The following MDGA2 variants were observed in gnomAD, a reference collection of about 807,000 sequenced individuals.
MDGA2 encodes MAM domain containing glycosylphosphatidylinositol anchor 2.
In MDGA2, 40 loss-of-function variants were observed where a neutral mutation model predicts 117.8. That is an observed-to-expected ratio of 0.34 (90% CI 0.26 to 0.44). MDGA2 has a LOEUF of 0.44. Among genes scored for constraint, MDGA2 ranks in the 20% least tolerant of loss-of-function variants. MDGA2 has a pLI of 1.00. For missense variants in MDGA2, 1,123 were observed against 1,250.6 expected (o/e 0.90, Z 1.54); for synonymous variants, 452 against 439.0 (o/e 1.03, Z -0.37).
intron 1 of MDGA2, among the ~76,000 whole-genome samples, chr14:47,563,869 A>G (rs1031521353): frequency 1.3e-5 from 2 of 151,838 alleles, no homozygotes; most frequent in African/African-American, 4.8e-5. Flanking sequence ...TATGTACTGT[A>G]TGTGTTTTTG....
intron 1 of MDGA2, among the ~76,000 whole-genome samples, chr14:47,519,780 G>A (rs1313238501): frequency 6.6e-6 from 1 of 152,132 alleles, no homozygotes; most frequent in African/African-American, 2.4e-5. Flanking sequence ...TATAATTTGT[G>A]AGATAATGAT....
chr14:47,006,562 A>G (rs1011553471), intron 8 of MDGA2, among the ~76,000 whole-genome samples: 11 of 151,132 alleles, frequency 7.3e-5, no homozygotes, highest in Non-Finnish European at 4.4e-5. Context: ...ATCATATCAG[A>G]TAACTTAAAT....
At chr14:47,223,024 C>T (rs1001999356) in intron 2 of MDGA2, among the ~76,000 whole-genome samples, 1 of 152,096 alleles carries the variant, frequency 6.6e-6, no homozygotes, top group African/African-American at 2.4e-5. Flanking sequence ...AGAATCATGG[C>T]AGGAGGTAAA....
chr14:47,634,751 T>C (rs1897296445), intron 1 of MDGA2, among the ~76,000 whole-genome samples: 3 of 152,082 alleles, frequency 2.0e-5, no homozygotes. Flanking sequence ...AGGCAAAGAA[T>C]ACTTTTGTTT....
rs1281527917 is a variant in MDGA2, at chr14:46,952,766, T to G, written c.2089+4608A>C. Among the ~76,000 whole-genome samples the G allele has an allele frequency of 2.0e-5, 3 of 151,948 alleles. 1 individual carries two copies. In the South Asian group the frequency reaches 6.2e-4, roughly 31 times the overall value. On this transcript the variant is annotated intron_variant, in intron 9 of 16. Coordinates refer to ENST00000399232, the MANE Select transcript of MDGA2 (RefSeq NM_001113498.3). ...AAGGCAGAGTCCCACAAATGTGTGA[T>G]GATTTGGGGGAAGGCAGCATAGTCA...
intron 1 of MDGA2, among the ~76,000 whole-genome samples, chr14:47,350,590 C>T (rs542834335): frequency 5.1e-4 from 78 of 152,200 alleles, no homozygotes; most frequent in Middle Eastern, 3.4e-3. Context: ...TGTGTGTGCG[C>T]GCACACGTGG....
intron 3 of MDGA2, among the ~76,000 whole-genome samples, chr14:47,178,464 C>T (rs113339103): frequency 0.013 from 1,990 of 152,166 alleles, 48 homozygotes; most frequent in African/African-American, 0.044. Context: ...TAACTTTGGG[C>T]TCTTGGAGAT....
chr14:47,183,497 A>G (rs1884792030), intron 3 of MDGA2, among the ~76,000 whole-genome samples: 1 of 152,126 alleles, frequency 6.6e-6, no homozygotes, highest in Non-Finnish European at 1.5e-5. Flanking sequence ...ATGATCTGCC[A>G]TAGTTTACCT....
At chr14:47,551,814 G>A (rs72670751) in intron 1 of MDGA2, among the ~76,000 whole-genome samples, 35,408 of 151,820 alleles carry the variant, frequency 0.23, 4,960 homozygotes, top group South Asian at 0.47. Flanking sequence ...TAATACTTAC[G>A]AGGTACAAAT....
At chr14:46,982,705 C>CAAAAAAAAAAAAAAAAAAAA (rs59530070) in intron 8 of MDGA2, among the ~76,000 whole-genome samples, 4 of 45,910 alleles carry the variant, frequency 8.7e-5, no homozygotes, top group African/African-American at 3.8e-4. Context: ...GAGACTCCAT[C>CAAAAAAAAAAAAAAAAAAAA]AAAAAAAAAA....
At chr14:47,255,896 G>C (rs1246222206) in intron 2 of MDGA2, among the ~76,000 whole-genome samples, 1 of 151,918 alleles carries the variant, frequency 6.6e-6, no homozygotes, top group Non-Finnish European at 1.5e-5. Context: ...TGGCATATTT[G>C]TATAGTCCAG....
chr14:47,566,126 G>C (rs375703900), intron 1 of MDGA2, among the ~76,000 whole-genome samples: 7 of 152,352 alleles, frequency 4.6e-5, no homozygotes, highest in African/African-American at 1.7e-4. Context: ...GGTGATGACT[G>C]TGGATGAGTG....
intron 10 of MDGA2, among the ~76,000 whole-genome samples, chr14:46,904,735 T>C (rs1362339672): frequency 2.0e-5 from 3 of 152,178 alleles, no homozygotes; most frequent in Non-Finnish European, 4.4e-5. Context: ...TTTAAAGAAG[T>C]AGAAGTCCAT....
chr14:47,338,263 G>A (rs1890519275), intron 1 of MDGA2, among the ~76,000 whole-genome samples: 1 of 151,780 alleles, frequency 6.6e-6, no homozygotes, highest in Non-Finnish European at 1.5e-5. Context: ...GCTTGTGCAT[G>A]TTTATGGAAA....
At chr14:47,094,012 A>G (rs949674566) in intron 6 of MDGA2, among the ~76,000 whole-genome samples, 1 of 152,096 alleles carries the variant, frequency 6.6e-6, no homozygotes, top group Non-Finnish European at 1.5e-5. Flanking sequence ...AAGCCTTGAA[A>G]ATAATTTCTT....
intron 1 of MDGA2, among the ~76,000 whole-genome samples, chr14:47,509,296 A>G (rs1894588398): frequency 6.6e-6 from 1 of 152,198 alleles, no homozygotes; most frequent in Non-Finnish European, 1.5e-5. Flanking sequence ...AACCCTTGAA[A>G]TGTTTATTCT....
chr14:47,449,586 G>A (rs550695744), intron 1 of MDGA2, among the ~76,000 whole-genome samples: 30 of 151,842 alleles, frequency 2.0e-4, no homozygotes, highest in Non-Finnish European at 4.3e-4. Context: ...ACACTTAAGA[G>A]GTTAATAACA....
intron 1 of MDGA2, among the ~76,000 whole-genome samples, chr14:47,633,113 T>C (rs1897266548): frequency 1.3e-5 from 2 of 152,230 alleles, no homozygotes; most frequent in Admixed American, 1.3e-4. Flanking sequence ...ACCCTAGAAA[T>C]GTTTTTGGTC....
At chr14:47,613,168 G>A (rs78127177) in intron 1 of MDGA2, among the ~76,000 whole-genome samples, 11,295 of 152,068 alleles carry the variant, frequency 0.074, 436 homozygotes, top group Middle Eastern at 0.099. Flanking sequence ...AGAGATAATT[G>A]AGGAGACCTT....
Sources: gnomAD v4.1 joint callset for allele counts (sites outside exome capture counted in the v4.1 genomes callset) on GRCh38, gnomAD v4.1.1 for gene constraint, MANE v1.5 for transcripts, NCBI Gene and HGNC (gene_info 2026-07-23, HGNC 2026-07-21) for gene names.